The following PKP3 variants were observed in gnomAD, a reference collection of about 807,000 sequenced individuals.
PKP3 encodes the protein plakophilin 3.
Under a neutral mutation model 76.5 loss-of-function variants are expected in PKP3, and 66 were observed. The observed-to-expected ratio is 0.86, with a 90% confidence interval of 0.71 to 1.06. PKP3 has a LOEUF of 1.06. Among genes scored for constraint, PKP3 ranks in the 50% least tolerant of loss-of-function variants. The pLI is 0.00. For missense variants in PKP3, 1,338 were observed against 1,141.0 expected (o/e 1.17, Z -2.49); for synonymous variants, 638 against 516.5 (o/e 1.24, Z -3.19).
intron 6 of PKP3, 66 bp from the exon 7 acceptor site, chr11:400,268 C>G (rs1847129225): frequency 2.1e-6 from 3 of 1,442,462 alleles, no homozygotes; most frequent in Middle Eastern, 4.6e-4. Flanking sequence ...CGAGGGCCCA[C>G]GATGGGTTGG....
rs1304522711 is a variant in PKP3 at position 404,537 on chromosome 11, G to A, written c.2362G>A (p.Gly788Ser). ...NKLHRDFRAK[G>S]YRKEDFLGP ...CTTGGGCCTCTCTCCACTGTAGAAG[G>A]GCTATCGGAAGGAGGACTTCCTGGG... The change falls in exon 13 of 13, where the codon GGC becomes AGC. Residue 788 changes from glycine (G) to serine (S), a missense_variant. Coordinates refer to ENST00000331563, the MANE Select transcript of PKP3 (RefSeq NM_007183.4). The surrounding 1 kb of genome is among the most constrained non-coding windows in gnomAD (Gnocchi z 4.2). 3.1e-6 allele frequency: 5 copies of A among 1,612,624 alleles called. No homozygotes were observed. Among genetic ancestry groups the A allele is most frequent in the Admixed American group, 1.7e-5 (1 of 60,022 alleles).
rs781191428 is a variant in PKP3, at chr11:397,065, C to G, written c.564C>G (p.Pro188=). The G allele has an allele frequency of 7.5e-6, 12 of 1,598,800 alleles. No individual in the cohort carries two copies. Among genetic ancestry groups the G allele is most frequent in the Non-Finnish European group, 1.0e-5 (12 of 1,179,560 alleles). Reference sequence around the variant, plus strand: ...CCCTGCGCTCGCTGCGGCTGGGGCCCGGGGGCCTGGACGACCGCTACAGCC... The same window carrying G: ...CCCTGCGCTCGCTGCGGCTGGGGCCGGGGGGCCTGGACGACCGCTACAGCC... ...TLSLRSLRLG[P]GGLDDRYSLV... The change falls in exon 3 of 13, where the codon CCC becomes CCG. Residue 188 remains proline, a synonymous_variant. Transcript: ENST00000331563.
chr11:404,455 G>A lies in PKP3; in HGVS notation c.2359-79G>A. On this transcript the variant is annotated intron_variant, in intron 12 of 12. Coordinates refer to ENST00000331563, the MANE Select transcript of PKP3 (RefSeq NM_007183.4). This position sits in a 1 kb window ranked among gnomAD's most constrained non-coding sequence, Gnocchi z 4.2. ...AGAGGAAGGGTCCGGGCCACACCCA[G>A]CACACTGCAGGAGGGACAGCGGGCA... 6.5e-7 allele frequency: 1 copy of A among 1,533,690 alleles called. No individual in the cohort carries two copies. Among genetic ancestry groups the A allele is most frequent in the Non-Finnish European group, 9.0e-7 (1 of 1,108,006 alleles).
intron 1 of PKP3, among the ~76,000 whole-genome samples, chr11:395,761 C>T (rs1440288045): frequency 1.3e-5 from 2 of 152,182 alleles, no homozygotes; most frequent in Non-Finnish European, 2.9e-5. Flanking sequence ...TTTCCCTGCA[C>T]CCCACCCTGA....
At chr11:397,907 C>T (rs577031705) in intron 4 of PKP3, 43 of 503,098 alleles carry the variant, frequency 8.5e-5, no homozygotes, top group South Asian at 8.1e-4. Context: ...CCCGCACACA[C>T]CTGCGTCACC....
chr11:397,706 T>C (rs9795298), intron 4 of PKP3, 44 bp downstream of exon 4: 1,186,147 of 1,590,296 alleles, frequency 0.75, 448,654 homozygotes, highest in East Asian at 1. Flanking sequence ...GGTGACCTCC[T>C]TCGTGGGCCC....
In PKP3 at chr11:400,518, C is replaced by T. The variant is rs1246440956; in HGVS notation, c.1567-17C>T. The T allele has an allele frequency of 4.0e-6, 6 of 1,492,278 alleles. No individual in the cohort carries two copies. The highest frequency in any genetic ancestry group is 2.3e-4 in the Middle Eastern group (1 of 4,304). 92.4% of individuals were successfully genotyped at this position (1,492,278 alleles called of 1,614,324 possible). On this transcript the variant is annotated splice_polypyrimidine_tract_variant and intron_variant, in intron 7 of 12. Transcript: ENST00000331563. Reference sequence around the variant, plus strand: ...GCCGCTCTGACCCGCGCCCCTGCCCCGCGCCCCCGCCCGCAGAGCGTGGAG... The same window carrying T: ...GCCGCTCTGACCCGCGCCCCTGCCCTGCGCCCCCGCCCGCAGAGCGTGGAG...
In PKP3 at chr11:399,152, G is replaced by A. The variant is rs774594790; in HGVS notation, c.1229G>A (p.Arg410Gln). 19 of 1,610,606 alleles carry A rather than the reference G, an allele frequency of 1.2e-5. No homozygotes were observed. The highest frequency in any genetic ancestry group is 3.3e-5 in the Admixed American group (2 of 59,776). Reference protein sequence around the residue: ...VEENGIFELLRTLREQDDELR... With the variant: ...VEENGIFELLQTLREQDDELR... The stretch of plus-strand genomic sequence containing the variant: ...GAGAACGGGATCTTCGAGCTGCTGC[G>A]GACACTGCGGGAGCAGGATGATGAG... The change falls in exon 5 of 13, where the codon CGG (arginine) becomes CAG (glutamine). Residue 410 changes from arginine (R) to glutamine (Q), a missense_variant. By Grantham distance (43) the Arg-to-Gln change is conservative. Coordinates refer to ENST00000331563, the MANE Select transcript of PKP3 (RefSeq NM_007183.4).
chr11:395,655 G>A (rs73400567), intron 1 of PKP3, among the ~76,000 whole-genome samples: 9,727 of 152,288 alleles, frequency 0.064, 1,020 homozygotes, highest in African/African-American at 0.22. Context: ...CGGCCCAGAA[G>A]CCCCATTAAC....
intron 4 of PKP3, chr11:397,899 C>T (rs921957643): frequency 3.2e-5 from 17 of 530,040 alleles, no homozygotes; most frequent in Middle Eastern, 5.1e-4. Context: ...TCCGTACACC[C>T]GCACACACCT....
chr11:396,387 G>T, intron 1 of PKP3: 1 of 496,256 alleles, frequency 2.0e-6, no homozygotes, highest in Non-Finnish European at 3.6e-6. Flanking sequence ...AGGCACAGCT[G>T]GGGGGTGGGC....
chr11:398,533 C>T (rs562765613), intron 4 of PKP3, among the ~76,000 whole-genome samples: 1 of 23,922 alleles, frequency 4.2e-5, no homozygotes, highest in Admixed American at 3.9e-4. Flanking sequence ...TCCGTACCCC[C>T]GCACACACCT....
At chr11:397,834 G>A in intron 4 of PKP3, 172 bp downstream of exon 4, 2 of 638,418 alleles carry the variant, frequency 3.1e-6, no homozygotes, top group Non-Finnish European at 2.7e-6. Flanking sequence ...GATACAATTT[G>A]GATACACCAG....
chr11:397,086 C>G lies in PKP3; in HGVS notation c.585C>G (p.Tyr195Ter). ...RLGPGGLDDR[Y>*]SLVSEQLEPA... ...GGCCCGGGGGCCTGGACGACCGCTACAGCCTGGTGTCTGAGCAGCTGGAGC... is the reference window on the plus strand; with the variant it reads ...GGCCCGGGGGCCTGGACGACCGCTAGAGCCTGGTGTCTGAGCAGCTGGAGC... The change falls in exon 3 of 13, where the codon TAC becomes TAG. Residue 195 changes from tyrosine (Y) to a stop codon, truncating the protein, a stop_gained. Transcript: ENST00000331563. LOFTEE classifies it high-confidence loss of function. The G allele has an allele frequency of 6.3e-7, 1 of 1,598,538 alleles. No homozygotes were observed. Among genetic ancestry groups the G allele is most frequent in the Non-Finnish European group, 8.5e-7 (1 of 1,179,470 alleles).
At chr11:392,647 G>A (rs950756771), upstream of PKP3, 5 of 1,286,798 alleles carry the variant, frequency 3.9e-6, no homozygotes, top group Admixed American at 2.3e-5. Flanking sequence ...TGGACACCTC[G>A]GCCGTCAGCA....
rs1389925365 is a variant in PKP3, at chr11:397,194, G to A, written c.693G>A (p.Trp231Ter). Residue 231 changes from tryptophan to a stop codon, truncating the protein, a stop_gained, in exon 3 of 13, where the codon TGG becomes TGA. Transcript: ENST00000331563. LOFTEE classifies it high-confidence loss of function. ...CCAGCCGGGCAGGGGGGCTGGACTG[G>A]CCCGAGGCCACTGAGGTTTCCCCGA... ...SSSSRAGGLD[W>*]PEATEVSPSR... The A allele has an allele frequency of 6.3e-7, 1 of 1,597,254 alleles. No homozygotes were observed.
rs1358715951 is a variant in PKP3, at chr11:400,531, G to T, written c.1567-4G>T. The T allele has an allele frequency of 2.0e-6, 3 of 1,485,002 alleles. No individual in the cohort carries two copies. The highest frequency in any genetic ancestry group is 5.2e-5 in the East Asian group (2 of 38,352). The allele number at this position is 1,485,002 out of a possible 1,614,324, so 92.0% of individuals were successfully genotyped here. A position where few individuals can be genotyped will look rare whatever the true frequency, so the allele number is the denominator to read the frequency against. ...GCGCCCCTGCCCCGCGCCCCCGCCC[G>T]CAGAGCGTGGAGAACGCGGTGTGCG... On this transcript the variant is annotated splice_polypyrimidine_tract_variant and splice_region_variant and intron_variant, in intron 7 of 12. Coordinates refer to ENST00000331563, the MANE Select transcript of PKP3 (RefSeq NM_007183.4).
chr11:403,370 C>A, intron 9 of PKP3, 107 bp downstream of exon 9: 1 of 990,838 alleles, frequency 1.0e-6, no homozygotes, highest in Non-Finnish European at 1.4e-6. Flanking sequence ...CCAGGGTCCG[C>A]GGAGCCTCGG....
At chr11:400,500 T>C in intron 7 of PKP3, 35 bp from the exon 8 acceptor site, 2 of 1,500,562 alleles carry the variant, frequency 1.3e-6, no homozygotes, top group Non-Finnish European at 1.8e-6. Flanking sequence ...GCCGCCGCTC[T>C]GACCCGCGCC....
Sources: allele counts gnomAD v4.1 joint callset (sites outside exome capture counted in the v4.1 genomes callset), GRCh38; gene constraint gnomAD v4.1.1; non-coding constraint Gnocchi (gnomAD v3.1); transcripts MANE v1.5; gene names NCBI Gene and HGNC (gene_info 2026-07-23, HGNC 2026-07-21).